RPS6KA2: variants seen among roughly 807,000 people sequenced by gnomAD.
The protein encoded by RPS6KA2 is ribosomal protein S6 kinase alpha-2.
RPS6KA2 carries 42 observed loss-of-function variants against 91.8 expected under a neutral mutation model. The ratio of observed to expected loss-of-function variants is 0.46; its 90% CI spans 0.36 to 0.59. The LOEUF is 0.59. RPS6KA2 is among the 20% of genes least tolerant of loss of function. The pLI, the probability that RPS6KA2 is intolerant of heterozygous loss-of-function variation, is 0.00. For synonymous variants in RPS6KA2, 414 were observed against 393.6 expected (o/e 1.05, Z -0.61); for missense variants, 798 against 978.5 (o/e 0.82, Z 2.46).
intron 7 of RPS6KA2, 83 bp from the exon 8 acceptor site, chr6:166,498,733 C>T: frequency 6.5e-7 from 1 of 1,539,726 alleles, no homozygotes; most frequent in Non-Finnish European, 8.9e-7. Flanking sequence ...CAGCGTCCTT[C>T]TGTGGGCTCT....
At position 166,498,751 on chromosome 6, in the gene RPS6KA2, C is replaced by A. The variant is rs552602289; in HGVS notation, c.605-101G>T. 1.6e-5 allele frequency: 23 copies of A among 1,455,854 alleles called. No individual in the cohort carries two copies. The East Asian group carries it at 4.8e-4, about 30-fold the overall frequency. The allele number at this position is 1,455,854 out of a possible 1,614,324, so 90.2% of individuals were successfully genotyped here. A position where few individuals can be genotyped will look rare whatever the true frequency, so the allele number is the denominator to read the frequency against. On this transcript the variant is annotated intron_variant, in intron 7 of 20. Coordinates refer to ENST00000265678, the MANE Select transcript of RPS6KA2 (RefSeq NM_021135.6). ...CGTCCTTCTGTGGGCTCTGCCCCCTCTCCAGGTGGGCGCAGCAGAGCCCTG... is the reference window on the plus strand; with the variant it reads ...CGTCCTTCTGTGGGCTCTGCCCCCTATCCAGGTGGGCGCAGCAGAGCCCTG...
intron 16 of RPS6KA2, among the ~76,000 whole-genome samples, chr6:166,426,959 GCAT>G (rs1207210858): frequency 1.3e-5 from 2 of 150,202 alleles, no homozygotes; most frequent in African/African-American, 4.9e-5. Context: ...TATGAGGCCA[GCAT>G]CATCCTGATA....
intron 10 of RPS6KA2, among the ~76,000 whole-genome samples, chr6:166,482,191 G>A (rs566713329): frequency 3.3e-5 from 5 of 152,320 alleles, no homozygotes; most frequent in South Asian, 2.1e-4. Flanking sequence ...GTGCTGCAGC[G>A]TGGAGGGCTC....
chr6:166,633,221 A>G (rs1386878373), intron 2 of RPS6KA2, among the ~76,000 whole-genome samples: 1 of 152,230 alleles, frequency 6.6e-6, no homozygotes, highest in African/African-American at 2.4e-5. Flanking sequence ...GCCCATCTCA[A>G]AAACACCAAA....
At position 166,504,600 on chromosome 6, in the gene RPS6KA2, C is replaced by T; in HGVS notation, c.472G>A (p.Glu158Lys). Reference sequence around the variant, plus strand: ...GCCAGGTAGAACTTGACATCCTCCTCCGTGAACATGACCTAGTAAGAAAAA... The same window carrying T: ...GCCAGGTAGAACTTGACATCCTCCTTCGTGAACATGACCTAGTAAGAAAAA... ...TRLSKEVMFT[E>K]EDVKFYLAEL... Residue 158 changes from glutamate (E) to lysine (K), a missense_variant, in exon 6 of 21, where the codon GAG becomes AAG. Glu to Lys is a moderately conservative substitution (Grantham distance 56, BLOSUM62 1). Coordinates refer to ENST00000265678, the MANE Select transcript of RPS6KA2 (RefSeq NM_021135.6). The T allele has an allele frequency of 1.2e-6, 2 of 1,610,366 alleles. No homozygotes were observed. Among genetic ancestry groups the T allele is most frequent in the Non-Finnish European group, 1.7e-6 (2 of 1,178,240 alleles).
intron 3 of RPS6KA2, among the ~76,000 whole-genome samples, chr6:166,530,896 G>A (rs369703335): frequency 1.3e-5 from 2 of 152,232 alleles, no homozygotes; most frequent in Non-Finnish European, 2.9e-5. Flanking sequence ...TCGGCCTGCC[G>A]GTATCGAGGC....
Position 166,498,592 on chromosome 6 carries a change from C to CCCGCAGAAGGAGTA in RPS6KA2, c.649_662dup (p.Ile223ProfsTer14). Reference sequence around the variant, plus strand: ...CCTCGGGCGCCATGTACTCGATCGTCCCGCAGAAGGAGTACGCTCTCTTGT... The same window carrying CCCGCAGAAGGAGTA: ...CCTCGGGCGCCATGTACTCGATCGTCCCGCAGAAGGAGTACCGCAGAAGGAGTACGCTCTCTTGT... On this transcript the variant is annotated frameshift_variant, in exon 8 of 21. Coordinates refer to ENST00000265678, the MANE Select transcript of RPS6KA2 (RefSeq NM_021135.6). LOFTEE classifies it high-confidence loss of function. The CCCGCAGAAGGAGTA allele has an allele frequency of 6.2e-7, 1 of 1,613,894 alleles. No homozygotes were observed. Among genetic ancestry groups the CCCGCAGAAGGAGTA allele is most frequent in the Non-Finnish European group, 8.5e-7 (1 of 1,179,966 alleles).
intron 1 of RPS6KA2, among the ~76,000 whole-genome samples, chr6:166,576,134 C>T (rs1784831498): frequency 1.3e-5 from 2 of 152,270 alleles, no homozygotes; most frequent in Non-Finnish European, 2.9e-5. Flanking sequence ...GTAAGAAGTA[C>T]CTTACACCTC....
At chr6:166,778,669 G>C (rs1426212552) in intron 2 of RPS6KA2, among the ~76,000 whole-genome samples, 1 of 152,208 alleles carries the variant, frequency 6.6e-6, no homozygotes, top group Non-Finnish European at 1.5e-5. Flanking sequence ...GGGAGGCTGA[G>C]GCAGGAGAAT....
At chr6:166,782,740 A>G (rs1778802764) in intron 2 of RPS6KA2, among the ~76,000 whole-genome samples, 1 of 152,162 alleles carries the variant, frequency 6.6e-6, no homozygotes, top group Non-Finnish European at 1.5e-5. Flanking sequence ...TGACGTCAGA[A>G]CTGTCCTCCC....
rs772891761 is a variant in RPS6KA2, at chr6:166,413,781, C to T, written c.2076+13G>A. ...ATTCCCACCACTCTGTCCTCACTGT[C>T]GCCTGCCGGTACCTTCACCAGGTGC... On this transcript the variant is annotated intron_variant, in intron 20 of 20. Coordinates refer to ENST00000265678, the MANE Select transcript of RPS6KA2 (RefSeq NM_021135.6). 9.9e-6 allele frequency: 16 copies of T among 1,613,500 alleles called. No individual in the cohort carries two copies. The highest frequency in any genetic ancestry group is 9.9e-5 in the South Asian group (9 of 91,018).
chr6:166,859,852 A>C (rs1283704916), intron 1 of RPS6KA2, among the ~76,000 whole-genome samples: 2 of 152,248 alleles, frequency 1.3e-5, no homozygotes, highest in African/African-American at 4.8e-5. Context: ...TCACATTTGC[A>C]TAACAGCAAG....
intron 14 of RPS6KA2, among the ~76,000 whole-genome samples, chr6:166,438,052 G>C (rs2049956): frequency 0.74 from 113,215 of 152,138 alleles, 43,442 homozygotes; most frequent in Non-Finnish European, 0.85. Flanking sequence ...TTTCCCTTGA[G>C]TTGCCGAAAG....
chr6:166,484,534 G>A (rs1781341425), intron 10 of RPS6KA2, among the ~76,000 whole-genome samples: 1 of 152,212 alleles, frequency 6.6e-6, no homozygotes, highest in Non-Finnish European at 1.5e-5. Context: ...TGTGAAAAAG[G>A]GGACAGAGGC....
At chr6:166,573,256 C>T (rs1784742638) in intron 1 of RPS6KA2, among the ~76,000 whole-genome samples, 1 of 152,220 alleles carries the variant, frequency 6.6e-6, no homozygotes, top group Admixed American at 6.5e-5. Context: ...GGCAGGCGCT[C>T]ACCACCTCTG....
chr6:166,574,034 C>T (rs914015113), intron 1 of RPS6KA2, among the ~76,000 whole-genome samples: 8 of 152,324 alleles, frequency 5.3e-5, no homozygotes, highest in Middle Eastern at 3.4e-3. Flanking sequence ...AAGACACACT[C>T]AGGCCCTGCC....
intron 2 of RPS6KA2, among the ~76,000 whole-genome samples, chr6:166,844,172 T>C (rs1471155937): frequency 6.6e-6 from 1 of 151,968 alleles, no homozygotes; most frequent in Non-Finnish European, 1.5e-5. Flanking sequence ...AAGAAAGAAC[T>C]TCAGAGCTCA....
At chr6:166,556,094 CT>C (rs1291328643) in intron 1 of RPS6KA2, among the ~76,000 whole-genome samples, 1 of 152,216 alleles carries the variant, frequency 6.6e-6, no homozygotes, top group East Asian at 1.9e-4. Context: ...TCCATATGCA[CT>C]TATCTGGAGC....
At chr6:166,637,682 C>T (rs1582971853) in intron 2 of RPS6KA2, among the ~76,000 whole-genome samples, 1 of 152,364 alleles carries the variant, frequency 6.6e-6, no homozygotes, top group East Asian at 1.9e-4. Flanking sequence ...ATAGGGTCCT[C>T]ACTGGAGAAG....
Sources: gnomAD v4.1 joint callset for allele counts (sites outside exome capture counted in the v4.1 genomes callset) on GRCh38, gnomAD v4.1.1 for gene constraint, MANE v1.5 for transcripts, NCBI Gene and HGNC (gene_info 2026-07-23, HGNC 2026-07-21) for gene names.